Variants in PPP1R12B observed in about 807,000 individuals in gnomAD.
PPP1R12B encodes the protein protein phosphatase 1 regulatory subunit 12B.
A neutral mutation model predicts 126.1 loss-of-function variants in PPP1R12B; 76 were observed. The observed-to-expected ratio is 0.60, with a 90% CI of 0.50 to 0.73. PPP1R12B has a LOEUF of 0.73. Among genes scored for constraint, PPP1R12B ranks in the 30% least tolerant of loss-of-function variants. The pLI is 0.00. For synonymous variants in PPP1R12B, 356 were observed against 434.7 expected (o/e 0.82, Z 2.25); for missense variants, 1,052 against 1,205.1 (o/e 0.87, Z 1.88).
intron 22 of PPP1R12B, 78 bp from the exon 23 acceptor site, chr1:202,569,069 C>A: frequency 6.8e-7 from 1 of 1,467,364 alleles, no homozygotes; most frequent in South Asian, 1.1e-5. Flanking sequence ...ATCTGCTGAT[C>A]ACACAGCAGC....
At chr1:202,358,096 T>C (rs1458817929) in intron 1 of PPP1R12B, among the ~76,000 whole-genome samples, 1 of 152,154 alleles carries the variant, frequency 6.6e-6, no homozygotes, top group African/African-American at 2.4e-5. Flanking sequence ...GTCTAATAAA[T>C]CTTTAATGGT....
In PPP1R12B at chr1:202,567,825, G is replaced by A. The variant is rs964469965; in HGVS notation, c.2805G>A (p.Glu935=). The A allele has an allele frequency of 3.5e-5, 56 of 1,613,904 alleles. No individual in the cohort carries two copies. Among genetic ancestry groups the A allele is most frequent in the Non-Finnish European group, 4.7e-5 (56 of 1,179,904 alleles). ...TSDRSSVLEM[E]KRERRALERK... ...ACCGATCATCAGTGCTGGAGATGGA[G>A]AAACGGGTATGCGCATGTCTGTTTC... is the stretch of plus-strand genomic sequence containing the variant. Residue 935 remains glutamate, a synonymous_variant, in exon 22 of 24, where the codon GAG becomes GAA. Transcript: ENST00000608999.
intron 13 of PPP1R12B, among the ~76,000 whole-genome samples, chr1:202,449,960 A>G (rs971636083): frequency 2.0e-5 from 3 of 152,198 alleles, no homozygotes; most frequent in Non-Finnish European, 2.9e-5. Flanking sequence ...TGCTGGGATT[A>G]CAGGCGTGAG....
At position 202,502,157 on chromosome 1, in the gene PPP1R12B, C is replaced by G. The variant is rs956403631; in HGVS notation, c.2490+5335C>G. ...AGTTAGCAATGTAGCTGTCCCCATC[C>G]AGAATGCAATCAGTAGGTCTGGATT... is the stretch of plus-strand genomic sequence containing the variant. On this transcript the variant is annotated intron_variant, in intron 18 of 23. Coordinates refer to ENST00000608999, the MANE Select transcript of PPP1R12B (RefSeq NM_002481.4). 1.2e-5 allele frequency: 12 copies of G among 985,172 alleles called. No homozygotes were observed. The African/African-American group carries it at 1.9e-4, about 16-fold the overall frequency. The allele number at this position is 985,172 out of a possible 1,614,324, so 61.0% of individuals were successfully genotyped here.
intron 23 of PPP1R12B, among the ~76,000 whole-genome samples, chr1:202,571,718 A>G (rs1416047324): frequency 6.6e-6 from 1 of 152,190 alleles, no homozygotes; most frequent in Non-Finnish European, 1.5e-5. Context: ...GGCCTCCCAA[A>G]GTGCTGTGAT....
At position 202,585,332 on chromosome 1, in the gene PPP1R12B, C is replaced by A. The variant is rs375003583; in HGVS notation, c.*4772C>A. 1.3e-5 allele frequency: 2 copies of A among 152,248 alleles called. No homozygotes were observed. The highest frequency in any genetic ancestry group is 2.1e-4 in the South Asian group (1 of 4,826). 9.4% of individuals were successfully genotyped at this position (152,248 alleles called of 1,614,324 possible). A position where few individuals can be genotyped will look rare whatever the true frequency, so the allele number is the denominator to read the frequency against. ...ATTTTCAAGGCAGGGTCTAACCCTT[C>A]ATAAGATGTGAGTTCTTCCAACCCA... is the stretch of plus-strand genomic sequence containing the variant. On this transcript the variant is annotated 3_prime_UTR_variant, in exon 24 of 24. Transcript: ENST00000608999.
chr1:202,470,905 C>G (rs77272894), intron 13 of PPP1R12B, among the ~76,000 whole-genome samples: 1 of 92,866 alleles, frequency 1.1e-5, no homozygotes, highest in African/African-American at 3.6e-5. Flanking sequence ...GACCTCATCT[C>G]AAAAAAAAAA....
chr1:202,540,533 A>G (rs772617930), intron 18 of PPP1R12B, among the ~76,000 whole-genome samples: 9 of 152,242 alleles, frequency 5.9e-5, no homozygotes, highest in Non-Finnish European at 1.0e-4. Flanking sequence ...AAGATTTTAC[A>G]GTCCTTATCA....
chr1:202,510,924 A>G (rs1249660195), intron 18 of PPP1R12B, among the ~76,000 whole-genome samples: 1 of 146,722 alleles, frequency 6.8e-6, no homozygotes, highest in Admixed American at 6.8e-5. Context: ...AATAATATTT[A>G]TACTATTTAT....
chr1:202,411,485 C>T (rs1193382552), intron 1 of PPP1R12B, among the ~76,000 whole-genome samples: 1 of 151,988 alleles, frequency 6.6e-6, no homozygotes, highest in African/African-American at 2.4e-5. Flanking sequence ...CAAACAAGCT[C>T]CAGAATCTTG....
intron 11 of PPP1R12B, 84 bp from the exon 12 acceptor site, chr1:202,442,363 C>A (rs897046962): frequency 1.4e-6 from 2 of 1,460,684 alleles, no homozygotes; most frequent in Admixed American, 2.3e-5. Context: ...GTTTGCCTGT[C>A]TGGCTCTTCT....
At chr1:202,367,859 A>G (rs532830920) in intron 1 of PPP1R12B, among the ~76,000 whole-genome samples, 6 of 152,226 alleles carry the variant, frequency 3.9e-5, no homozygotes, top group South Asian at 4.1e-4. Context: ...GTAATCTGCA[A>G]TGTTGGAGGT....
At chr1:202,501,095 T>G (rs1680175432) in intron 18 of PPP1R12B, among the ~76,000 whole-genome samples, 1 of 152,246 alleles carries the variant, frequency 6.6e-6, no homozygotes, top group Non-Finnish European at 1.5e-5. Flanking sequence ...TCTGTTTTGT[T>G]TATCCACGTT....
chr1:202,576,151 A>T (rs1211604219), intron 23 of PPP1R12B: 4 of 152,240 alleles, frequency 2.6e-5, no homozygotes, highest in Non-Finnish European at 5.9e-5. Context: ...CTCTCTAATG[A>T]GGCCAGCTTT....
intron 1 of PPP1R12B, among the ~76,000 whole-genome samples, chr1:202,389,126 A>G (rs981164182): frequency 1.3e-5 from 2 of 152,200 alleles, no homozygotes; most frequent in African/African-American, 4.8e-5. Context: ...AAGGAATCAA[A>G]TAGTTAATAT....
chr1:202,401,877 A>G (rs1318947712), intron 1 of PPP1R12B, among the ~76,000 whole-genome samples: 1 of 152,176 alleles, frequency 6.6e-6, no homozygotes, highest in Non-Finnish European at 1.5e-5. Flanking sequence ...CACTCTATAA[A>G]TGAGACAGTT....
At chr1:202,550,036 A>T (rs1686148969) in intron 18 of PPP1R12B, among the ~76,000 whole-genome samples, 1 of 152,148 alleles carries the variant, frequency 6.6e-6, no homozygotes, top group South Asian at 2.1e-4. Context: ...ATTCCTGTTT[A>T]TTGCAATTTG....
chr1:202,545,817 A>G (rs1227294852), intron 18 of PPP1R12B, among the ~76,000 whole-genome samples: 5 of 152,246 alleles, frequency 3.3e-5, no homozygotes, highest in African/African-American at 4.8e-5. Flanking sequence ...AGGTAGAAAA[A>G]GAATATGAGA....
intron 13 of PPP1R12B, among the ~76,000 whole-genome samples, chr1:202,452,159 A>G (rs1286200759): frequency 6.6e-6 from 1 of 152,194 alleles, no homozygotes; most frequent in Admixed American, 6.5e-5. Flanking sequence ...GCGGCCGGGC[A>G]GAGGCTGCAA....
Sources: allele counts gnomAD v4.1 joint callset (sites outside exome capture counted in the v4.1 genomes callset), GRCh38; gene constraint gnomAD v4.1.1; transcripts MANE v1.5; gene names NCBI Gene and HGNC (gene_info 2026-07-23, HGNC 2026-07-21).